Variants in ADAMTSL3 observed in about 807,000 individuals in gnomAD.
ADAMTSL3 encodes the protein ADAMTS-like protein 3.
Under a neutral mutation model 201.7 loss-of-function variants are expected in ADAMTSL3, and 128 were observed. That is an observed-to-expected ratio of 0.63 (90% confidence interval 0.55 to 0.73). The LOEUF (loss-of-function observed/expected upper bound fraction) is 0.73. ADAMTSL3 is among the 30% of genes least tolerant of loss of function. The probability of loss-of-function intolerance (pLI) is 0.00; values close to 1 mark genes in which losing one functional copy is unlikely to be tolerated. For missense variants in ADAMTSL3, 1,990 were observed against 2,119.6 expected, an observed-to-expected ratio of 0.94 and a Z score of 1.20; for synonymous variants, 738 against 748.4, an observed-to-expected ratio of 0.99 and a Z score of 0.23.
chr15:83,897,971 A>G lies in ADAMTSL3; in HGVS notation c.1581A>G (p.Glu527=), dbSNP rs1223466009. Residue 527 remains glutamate, a synonymous_variant, in exon 14 of 30, where the codon GAA becomes GAG. Transcript: ENST00000286744. ...AACTGAAGTTACACATCAAAGAAGA[A>G]TGTGTCATTCCCATCCCGTGTTATA... ...NPQLKLHIKE[E]CVIPIPCYKP... is the part of the protein sequence containing the mutation. The G allele has an allele frequency of 1.9e-6, 3 of 1,613,760 alleles. No individual in the cohort carries two copies. Among genetic ancestry groups the G allele is most frequent in the Non-Finnish European group, 2.5e-6 (3 of 1,179,826 alleles).
At chr15:83,703,104 C>G (rs570961967) in intron 2 of ADAMTSL3, among the ~76,000 whole-genome samples, 1 of 152,266 alleles carries the variant, frequency 6.6e-6, no homozygotes, top group East Asian at 1.9e-4. Flanking sequence ...GACCGCCCCA[C>G]TAGATTTTGG....
intron 13 of ADAMTSL3, among the ~76,000 whole-genome samples, chr15:83,896,743 G>C (rs2065623694): frequency 3.3e-5 from 5 of 152,028 alleles, no homozygotes; most frequent in Admixed American, 1.3e-4. Flanking sequence ...CCAACATGCA[G>C]ATTATATTAG....
intron 17 of ADAMTSL3, 113 bp from the exon 18 acceptor site, chr15:83,942,483 T>C (rs545943573): frequency 3.3e-6 from 3 of 900,116 alleles, no homozygotes; most frequent in Admixed American, 2.4e-5. Flanking sequence ...AGAATCTGTA[T>C]ACAGGGTGTG....
At chr15:83,846,806 C>G (rs964631739) in intron 7 of ADAMTSL3, among the ~76,000 whole-genome samples, 2 of 152,184 alleles carry the variant, frequency 1.3e-5, no homozygotes, top group African/African-American at 4.8e-5. Context: ...TTATCCTCAC[C>G]AGCCTCCTGA....
In ADAMTSL3 at chr15:83,708,893, C is replaced by T. The variant is rs775547847; in HGVS notation, c.189+4385C>T. Among the ~76,000 whole-genome samples, 45 of 152,270 alleles carry T rather than the reference C, an allele frequency of 3.0e-4. No individual in the cohort carries two copies. In the Middle Eastern group the frequency reaches 0.014, roughly 46 times the overall value. ...ATTCTACAAGTCAAGAAAACAGAGA[C>T]GCCAAATGTGCAAATGACTTACTCA... On this transcript the variant is annotated intron_variant, in intron 3 of 29. Coordinates refer to ENST00000286744, the MANE Select transcript of ADAMTSL3 (RefSeq NM_207517.3).
chr15:83,657,890 T>C (rs1178497824), intron 2 of ADAMTSL3, among the ~76,000 whole-genome samples: 2 of 152,188 alleles, frequency 1.3e-5, no homozygotes, highest in African/African-American at 2.4e-5. Flanking sequence ...TTGGATGCTC[T>C]GTTTTTTCCG....
intron 2 of ADAMTSL3, among the ~76,000 whole-genome samples, chr15:83,659,660 A>G (rs2061136882): frequency 6.6e-6 from 1 of 152,214 alleles, no homozygotes; most frequent in Admixed American, 6.5e-5. Flanking sequence ...GAACTCATAA[A>G]TATTCCCTTA....
chr15:83,687,821 G>A (rs1209015042), intron 2 of ADAMTSL3, among the ~76,000 whole-genome samples: 1 of 152,150 alleles, frequency 6.6e-6, no homozygotes, highest in African/African-American at 2.4e-5. Flanking sequence ...TGATGGCGGG[G>A]ATGGAGGAAA....
chr15:83,988,408 T>G (rs897454861), intron 21 of ADAMTSL3, among the ~76,000 whole-genome samples: 1 of 152,202 alleles, frequency 6.6e-6, no homozygotes, highest in Non-Finnish European at 1.5e-5. Context: ...AGCATTGAGT[T>G]CACCAGAAAA....
chr15:83,820,977 G>A (rs1000478465), intron 6 of ADAMTSL3, among the ~76,000 whole-genome samples: 5 of 152,144 alleles, frequency 3.3e-5, no homozygotes, highest in African/African-American at 1.2e-4. Context: ...GGGAGGCTGA[G>A]GCGGGAGAAT....
Position 83,905,442 on chromosome 15 carries a change from A to AAGGTGGTCTG in ADAMTSL3, c.1700+5718_1700+5727dup, listed in dbSNP as rs1227900760. Among the ~76,000 whole-genome samples the AAGGTGGTCTG allele has an allele frequency of 2.6e-5, 4 of 152,176 alleles. No individual in the cohort carries two copies. In the East Asian group the frequency reaches 5.8e-4, roughly 22 times the overall value. ...GCCCATGTAGGCCACGCAGGTTGCT[A>AAGGTGGTCTG]AGGTGGTCTGAGGTGGGTGAGGGGC... On this transcript the variant is annotated intron_variant, in intron 15 of 29. Coordinates refer to ENST00000286744, the MANE Select transcript of ADAMTSL3 (RefSeq NM_207517.3).
At chr15:83,656,812 G>A (rs911936283) in intron 2 of ADAMTSL3, among the ~76,000 whole-genome samples, 1 of 152,210 alleles carries the variant, frequency 6.6e-6, no homozygotes, top group Non-Finnish European at 1.5e-5. Flanking sequence ...GGGCTTAAAT[G>A]TCTGTTAAAT....
chr15:83,744,072 G>A (rs1316780579), intron 3 of ADAMTSL3, among the ~76,000 whole-genome samples: 4 of 152,006 alleles, frequency 2.6e-5, no homozygotes, highest in Admixed American at 2.0e-4. Context: ...GGCTGGTCTC[G>A]ATCTCCTGAC....
chr15:83,691,043 T>A (rs1406167238), intron 2 of ADAMTSL3, among the ~76,000 whole-genome samples: 1 of 152,200 alleles, frequency 6.6e-6, no homozygotes, highest in African/African-American at 2.4e-5. Context: ...ATCACTGAGC[T>A]GAGTGTGGCT....
At chr15:83,733,052 A>C (rs1596108038) in intron 3 of ADAMTSL3, among the ~76,000 whole-genome samples, 1 of 152,152 alleles carries the variant, frequency 6.6e-6, no homozygotes, top group Non-Finnish European at 1.5e-5. Flanking sequence ...ATTTATTACA[A>C]CCTGCCACAT....
chr15:83,989,072 C>CG (rs1254401507), intron 22 of ADAMTSL3, among the ~76,000 whole-genome samples: 1 of 151,770 alleles, frequency 6.6e-6, no homozygotes, highest in African/African-American at 2.4e-5. Flanking sequence ...TTAGTAGAGA[C>CG]GGGGTTTCAC....
chr15:84,024,089 A>G (rs1295989423), intron 26 of ADAMTSL3, among the ~76,000 whole-genome samples: 1 of 152,104 alleles, frequency 6.6e-6, no homozygotes, highest in African/African-American at 2.4e-5. Flanking sequence ...CCCCGTCCCT[A>G]CTAAAAATAC....
intron 2 of ADAMTSL3, among the ~76,000 whole-genome samples, chr15:83,658,069 G>T (rs1157026458): frequency 6.6e-6 from 1 of 152,210 alleles, no homozygotes; most frequent in East Asian, 1.9e-4. Context: ...GCTGTGAGGA[G>T]CAAGGGATGT....
chr15:83,747,558 C>G (rs1047476614), intron 3 of ADAMTSL3, among the ~76,000 whole-genome samples: 6 of 152,128 alleles, frequency 3.9e-5, no homozygotes, highest in Non-Finnish European at 7.3e-5. Flanking sequence ...ACCCTGTGCC[C>G]TGGCTGAAGG....
Sources: gnomAD v4.1 joint callset for allele counts (sites outside exome capture counted in the v4.1 genomes callset) on GRCh38, gnomAD v4.1.1 for gene constraint, MANE v1.5 for transcripts, NCBI Gene and HGNC (gene_info 2026-07-23, HGNC 2026-07-21) for gene names.